The following ITGA1 variants were observed in gnomAD, a reference collection of about 807,000 sequenced individuals.
ITGA1 encodes the protein integrin alpha-1.
Under a neutral mutation model 145.9 loss-of-function variants are expected in ITGA1, and 85 were observed. That is an observed-to-expected ratio of 0.58 (90% confidence interval 0.49 to 0.70). ITGA1 has a LOEUF of 0.70. Among genes scored for constraint, ITGA1 ranks in the 30% least tolerant of loss-of-function variants. The pLI, the probability that ITGA1 is intolerant of heterozygous loss-of-function variation, is 0.00. For synonymous variants in ITGA1, 520 were observed against 495.3 expected (o/e 1.05, Z -0.66); for missense variants, 1,351 against 1,418.7 (o/e 0.95, Z 0.77).
chr5:52,930,235 T>C (rs989343263), intron 21 of ITGA1, among the ~76,000 whole-genome samples: 2 of 152,182 alleles, frequency 1.3e-5, no homozygotes, highest in Non-Finnish European at 2.9e-5. Context: ...CTGACCTGTC[T>C]GCAGTGAGAT....
At chr5:52,914,805 A>T (rs1210429102) in intron 14 of ITGA1, among the ~76,000 whole-genome samples, 1 of 152,194 alleles carries the variant, frequency 6.6e-6, no homozygotes, top group African/African-American at 2.4e-5. Context: ...CTTAAGCTTG[A>T]ACCAATGCTA....
At chr5:52,898,621 G>A (rs552399049) in intron 11 of ITGA1, among the ~76,000 whole-genome samples, 2 of 152,158 alleles carry the variant, frequency 1.3e-5, no homozygotes, top group South Asian at 2.1e-4. Context: ...AATGGTTTAG[G>A]TTGATATGTG....
intron 1 of ITGA1, among the ~76,000 whole-genome samples, chr5:52,846,620 A>G (rs1253045795): frequency 6.6e-6 from 1 of 152,244 alleles, no homozygotes; most frequent in Admixed American, 6.5e-5. Context: ...TATGCAGAAG[A>G]TGGTAACCAG....
At chr5:52,925,596 A>G (rs1238212191) in intron 19 of ITGA1, 109 bp downstream of exon 19, 2 of 849,586 alleles carry the variant, frequency 2.4e-6, no homozygotes, top group Non-Finnish European at 1.8e-6. Flanking sequence ...AAAGAATAGA[A>G]GGAATTTTTT....
rs751174968 is a variant in ITGA1 at position 52,865,046 on chromosome 5, A to G, written c.460A>G (p.Thr154Ala). The change falls in exon 5 of 29, where the codon ACA (threonine) becomes GCA (alanine). Residue 154 changes from threonine (T) to alanine (A), a missense_variant. Transcript: ENST00000282588. ...TTGICSDVSP[T>A]FQVVNSIAPV... ...TGGAATCTGTTCTGACGTCAGCCCCACATTTCAAGTCGTGAATTCCATTGC... is the reference window on the plus strand; with the variant it reads ...TGGAATCTGTTCTGACGTCAGCCCCGCATTTCAAGTCGTGAATTCCATTGC... 8.1e-6 allele frequency: 13 copies of G among 1,613,838 alleles called. No individual in the cohort carries two copies. The East Asian group carries it at 2.9e-4, about 36-fold the overall frequency.
intron 18 of ITGA1, among the ~76,000 whole-genome samples, chr5:52,924,998 T>C (rs896903538): frequency 6.6e-6 from 1 of 152,226 alleles, no homozygotes; most frequent in African/African-American, 2.4e-5. Flanking sequence ...ATTTCAAAAC[T>C]GTCCTTCCCT....
intron 7 of ITGA1, chr5:52,883,009 C>T (rs1010572849): frequency 6.6e-6 from 1 of 152,170 alleles, no homozygotes; most frequent in Admixed American, 6.5e-5. Context: ...ATTTCATGTA[C>T]AGCTTTTGCC....
intron 2 of ITGA1, among the ~76,000 whole-genome samples, chr5:52,850,888 A>T (rs1749422406): frequency 6.6e-6 from 1 of 152,210 alleles, no homozygotes; most frequent in South Asian, 2.1e-4. Flanking sequence ...TTATTCTTTT[A>T]GGAATTATAC....
intron 1 of ITGA1, among the ~76,000 whole-genome samples, chr5:52,837,136 C>T (rs1049543988): frequency 2.6e-5 from 4 of 152,094 alleles, no homozygotes; most frequent in African/African-American, 9.7e-5. Flanking sequence ...TGGGAAATGA[C>T]AAAGAATCAG....
chr5:52,854,486 T>C (rs1340525725), intron 2 of ITGA1, among the ~76,000 whole-genome samples: 2 of 152,140 alleles, frequency 1.3e-5, no homozygotes, highest in African/African-American at 2.4e-5. Context: ...AGTTAATGGG[T>C]CACTGTGTAA....
chr5:52,909,126 A>G, intron 13 of ITGA1, 85 bp downstream of exon 13: 2 of 1,390,734 alleles, frequency 1.4e-6, no homozygotes, highest in Non-Finnish European at 2.0e-6. Context: ...TTTTTCACTC[A>G]CTTTGAAAAA....
At chr5:52,915,094 T>C (rs1750623222) in intron 14 of ITGA1, among the ~76,000 whole-genome samples, 1 of 152,172 alleles carries the variant, frequency 6.6e-6, no homozygotes, top group East Asian at 1.9e-4. Context: ...CCTTTGCTGA[T>C]ATGATATGTT....
rs767524490 is a variant in ITGA1, at chr5:52,933,945, A to G, written c.2913A>G (p.Glu971=). ...TTGCTGCCAATGAGACAGTCCCTGA[A>G]GTTATTAATTCTACTGAGGACATTG... ...ISIAANETVP[E]VINSTEDIGN... is the part of the protein sequence containing the mutation. The change falls in exon 23 of 29, where the codon GAA becomes GAG. Residue 971 remains glutamate, a synonymous_variant. Coordinates refer to ENST00000282588, the MANE Select transcript of ITGA1 (RefSeq NM_181501.2). The G allele has an allele frequency of 1.1e-5, 17 of 1,536,050 alleles. No individual in the cohort carries two copies. In the South Asian group the frequency reaches 1.6e-4, roughly 14 times the overall value.
rs755215090 is a variant in ITGA1, at chr5:52,929,637, A to C, written c.2707A>C (p.Ile903Leu). The C allele has an allele frequency of 1.3e-6, 2 of 1,552,096 alleles. No homozygotes were observed. Among genetic ancestry groups the C allele is most frequent in the African/African-American group, 1.4e-5 (1 of 73,140 alleles). The change falls in exon 21 of 29, where the codon ATA (isoleucine) becomes CTA (leucine). Residue 903 changes from isoleucine to leucine, a missense_variant. By Grantham distance (5) the Ile-to-Leu change is conservative (BLOSUM62 2). Coordinates refer to ENST00000282588, the MANE Select transcript of ITGA1 (RefSeq NM_181501.2). ...TTTTATTTTATAGGTAACTTTCAAA[A>C]TATTGTTTCAGTTTAACACATCCTA... ...LRRGEMVTFK[I>L]LFQFNTSYLM...
intron 22 of ITGA1, chr5:52,932,522 A>G (rs1165828088): frequency 2.5e-5 from 4 of 161,108 alleles, no homozygotes; most frequent in African/African-American, 9.6e-5. Flanking sequence ...GTGGAAGCTG[A>G]TCAGTCTTCT....
At chr5:52,788,504 A>G in intron 1 of ITGA1, 90 bp downstream of exon 1, 3 of 1,086,926 alleles carry the variant, frequency 2.8e-6, no homozygotes, top group Non-Finnish European at 3.7e-6. Flanking sequence ...TGGGCCAGAT[A>G]GGAAGAGAGA....
intron 3 of ITGA1, among the ~76,000 whole-genome samples, chr5:52,862,412 T>A (rs1054682792): frequency 2.0e-5 from 3 of 152,174 alleles, no homozygotes; most frequent in African/African-American, 7.2e-5. Flanking sequence ...CAGATTGACA[T>A]AGAATGCCAT....
Position 52,898,370 on chromosome 5 carries a change from T to C in ITGA1, c.1296T>C (p.Leu432=). ...NVESTKKNEP[L]ASYLGYTVNS... is the part of the protein sequence containing the mutation. ...AGTCTACCAAAAAGAATGAACCGCT[T>C]GCTTCTTATTTAGGTAAGGTTTGGA... The change falls in exon 11 of 29, where the codon CTT becomes CTC. Residue 432 remains leucine, a synonymous_variant. Coordinates refer to ENST00000282588, the MANE Select transcript of ITGA1 (RefSeq NM_181501.2). 1 of 1,598,216 alleles carries C rather than the reference T, an allele frequency of 6.3e-7. No individual in the cohort carries two copies. The highest frequency in any genetic ancestry group is 8.5e-7 in the Non-Finnish European group (1 of 1,174,276).
intron 24 of ITGA1, among the ~76,000 whole-genome samples, chr5:52,938,501 T>TGATCACA (rs1468902915): frequency 3.3e-5 from 5 of 152,150 alleles, no homozygotes; most frequent in Admixed American, 2.0e-4. Flanking sequence ...CACTTAAATG[T>TGATCACA]TTTCCTAAGG....
Sources: gnomAD v4.1 joint callset for allele counts (sites outside exome capture counted in the v4.1 genomes callset) on GRCh38, gnomAD v4.1.1 for gene constraint, MANE v1.5 for transcripts, NCBI Gene and HGNC (gene_info 2026-07-23, HGNC 2026-07-21) for gene names.